The following SUCLG2 variants were observed in gnomAD, a reference collection of about 807,000 sequenced individuals.
SUCLG2 encodes the protein succinate-CoA ligase GDP-forming subunit beta.
Under a neutral mutation model 47.9 loss-of-function variants are expected in SUCLG2, and 42 were observed. The observed-to-expected ratio is 0.88, with a 90% confidence interval of 0.69 to 1.14. The LOEUF (loss-of-function observed/expected upper bound fraction) is 1.14, where lower values mean the gene tolerates loss of function less well. SUCLG2 is among the 50% of genes most tolerant of loss of function. The pLI is 0.00. For missense variants in SUCLG2, 571 were observed against 525.9 expected, an observed-to-expected ratio of 1.09 and a Z score of -0.84; for synonymous variants, 195 against 197.3, an observed-to-expected ratio of 0.99 and a Z score of 0.10.
At chr3:67,381,724 G>A (rs1042770931) in intron 10 of SUCLG2, among the ~76,000 whole-genome samples, 1 of 152,052 alleles carries the variant, frequency 6.6e-6, no homozygotes, top group Non-Finnish European at 1.5e-5. Context: ...CCCACTGCAG[G>A]CCTTAAAAAT....
intron 2 of SUCLG2, among the ~76,000 whole-genome samples, chr3:67,534,047 G>A (rs918647884): frequency 2.0e-4 from 31 of 152,054 alleles, no homozygotes; most frequent in African/African-American, 6.0e-4. Context: ...GATTTGAATC[G>A]TGTATGTCTA....
intron 2 of SUCLG2, among the ~76,000 whole-genome samples, chr3:67,592,718 C>CAAAAAAAAAAAAA (rs754866312): frequency 2.5e-5 from 2 of 80,256 alleles, no homozygotes; most frequent in African/African-American, 6.0e-5. Context: ...TCACATCCTC[C>CAAAAAAAAAAAAA]AAAAAAAAAA....
At chr3:67,461,594 G>T (rs1704336996) in intron 9 of SUCLG2, among the ~76,000 whole-genome samples, 1 of 151,678 alleles carries the variant, frequency 6.6e-6, no homozygotes. Context: ...GTATCTAGGG[G>T]TCCCCAACCT....
intron 9 of SUCLG2, among the ~76,000 whole-genome samples, chr3:67,476,394 G>A (rs937739309): frequency 1.1e-4 from 17 of 151,984 alleles, no homozygotes; most frequent in African/African-American, 3.9e-4. Flanking sequence ...TCAAGGTTGT[G>A]CGCTCCTTAT....
At chr3:67,576,826 A>G (rs1222948842) in intron 2 of SUCLG2, among the ~76,000 whole-genome samples, 1 of 152,248 alleles carries the variant, frequency 6.6e-6, no homozygotes, top group East Asian at 1.9e-4. Context: ...GGTTCACCTG[A>G]TTCAGAGCTT....
At chr3:67,562,147 G>A (rs1198731443) in intron 2 of SUCLG2, among the ~76,000 whole-genome samples, 1 of 152,002 alleles carries the variant, frequency 6.6e-6, no homozygotes, top group East Asian at 1.9e-4. Flanking sequence ...CTTCCCTTAG[G>A]GTAGAGTCCA....
intron 9 of SUCLG2, among the ~76,000 whole-genome samples, chr3:67,414,191 G>A (rs1702987961): frequency 6.6e-6 from 1 of 152,148 alleles, no homozygotes. Context: ...GATGCTTCCT[G>A]TAATGCCCAT....
At chr3:67,606,866 C>T (rs1013653584) in intron 2 of SUCLG2, among the ~76,000 whole-genome samples, 1 of 152,110 alleles carries the variant, frequency 6.6e-6, no homozygotes, top group Non-Finnish European at 1.5e-5. Flanking sequence ...GGTTGACCCT[C>T]GATAAATATT....
intron 9 of SUCLG2, among the ~76,000 whole-genome samples, chr3:67,474,040 G>A (rs763856451): frequency 3.3e-5 from 5 of 152,096 alleles, no homozygotes; most frequent in Admixed American, 2.0e-4. Flanking sequence ...GGATGATCAC[G>A]AGGTCAGGAG....
chr3:67,517,731 A>T (rs1705984395), intron 6 of SUCLG2, among the ~76,000 whole-genome samples: 1 of 152,244 alleles, frequency 6.6e-6, no homozygotes. Flanking sequence ...TTCATTTCAA[A>T]TGCCCATTAG....
At chr3:67,544,648 A>T (rs528546187) in intron 2 of SUCLG2, among the ~76,000 whole-genome samples, 27 of 152,328 alleles carry the variant, frequency 1.8e-4, no homozygotes, top group African/African-American at 6.0e-4. Flanking sequence ...CAACGTCATG[A>T]GGAAGAGCTG....
At chr3:67,537,473 T>C (rs1292533350) in intron 2 of SUCLG2, among the ~76,000 whole-genome samples, 2 of 152,256 alleles carry the variant, frequency 1.3e-5, no homozygotes, top group African/African-American at 4.8e-5. Context: ...CTATCACTGA[T>C]GGGCATTTGG....
Position 67,513,103 on chromosome 3 carries a change from T to C in SUCLG2, c.661-4200A>G, listed in dbSNP as rs1319758326. 9.2e-5 allele frequency among the ~76,000 whole-genome samples: 14 copies of C among 151,392 alleles called. 1 individual carries two copies. Among genetic ancestry groups the C allele is most frequent in the African/African-American group, 3.4e-4 (14 of 40,726 alleles). On this transcript the variant is annotated intron_variant, in intron 6 of 10. Transcript: ENST00000307227. The stretch of plus-strand genomic sequence containing the variant: ...TAGATACCTGTGGAATCATCCAGTG[T>C]TTGTCTTTTTGTAACTGGCTTATTT...
At chr3:67,442,547 G>A (rs1212050724) in intron 9 of SUCLG2, among the ~76,000 whole-genome samples, 1 of 152,216 alleles carries the variant, frequency 6.6e-6, no homozygotes, top group African/African-American at 2.4e-5. Context: ...CTGTGAAAAT[G>A]ACAGTGGCTG....
At chr3:67,428,660 A>C (rs908984294) in intron 9 of SUCLG2, among the ~76,000 whole-genome samples, 1 of 152,208 alleles carries the variant, frequency 6.6e-6, no homozygotes, top group Non-Finnish European at 1.5e-5. Flanking sequence ...TCCAAGCTAA[A>C]GGAGGACGTT....
chr3:67,402,641 A>T (rs758622302), intron 9 of SUCLG2, among the ~76,000 whole-genome samples: 5 of 152,218 alleles, frequency 3.3e-5, no homozygotes, highest in Non-Finnish European at 7.3e-5. Flanking sequence ...ATTCAAGAGC[A>T]AGAATGACTC....
intron 1 of SUCLG2, among the ~76,000 whole-genome samples, chr3:67,648,304 G>C (rs929787861): frequency 7.2e-5 from 11 of 152,190 alleles, no homozygotes; most frequent in African/African-American, 2.7e-4. Context: ...GCCAGAGAGA[G>C]AGGAAGGTGG....
intron 2 of SUCLG2, among the ~76,000 whole-genome samples, chr3:67,576,502 T>C (rs1707746247): frequency 6.6e-6 from 1 of 152,200 alleles, no homozygotes; most frequent in South Asian, 2.1e-4. Context: ...AACATTCTCC[T>C]CTTTAAATAG....
At chr3:67,440,638 C>A (rs1017851256) in intron 9 of SUCLG2, among the ~76,000 whole-genome samples, 1 of 152,170 alleles carries the variant, frequency 6.6e-6, no homozygotes, top group African/African-American at 2.4e-5. Context: ...AGCTCATCAC[C>A]ACCAGTCATT....
Sources: gnomAD v4.1 joint callset for allele counts (sites outside exome capture counted in the v4.1 genomes callset) on GRCh38, gnomAD v4.1.1 for gene constraint, MANE v1.5 for transcripts, NCBI Gene and HGNC (gene_info 2026-07-23, HGNC 2026-07-21) for gene names.